Variants in TMCO5A observed in about 807,000 individuals in gnomAD.
The protein encoded by TMCO5A is transmembrane and coiled-coil domain-containing protein 5A.
TMCO5A carries 34 observed loss-of-function variants against 42.3 expected under a neutral mutation model. That is an observed-to-expected ratio of 0.80 (90% CI 0.61 to 1.07). The LOEUF (loss-of-function observed/expected upper bound fraction) is 1.07, where lower values mean the gene tolerates loss of function less well. TMCO5A is among the 50% of genes least tolerant of loss of function. TMCO5A has a pLI of 0.00. For missense variants in TMCO5A, 357 were observed against 327.9 expected, an observed-to-expected ratio of 1.09 and a Z score of -0.69; for synonymous variants, 131 against 115.6, an observed-to-expected ratio of 1.13 and a Z score of -0.86.
the TMCO5A span, among the ~76,000 whole-genome samples, chr15:38,027,551 G>A: frequency 1.3e-5 from 2 of 152,182 alleles, no homozygotes; most frequent in Non-Finnish European, 2.9e-5. Context: ...GGGCTTTTGG[G>A]TTAATGCTGG....
the TMCO5A span, among the ~76,000 whole-genome samples, chr15:38,019,996 A>G: frequency 6.6e-6 from 1 of 151,244 alleles, no homozygotes; most frequent in Non-Finnish European, 1.5e-5. Context: ...ATGTAATTAA[A>G]AAAATTTTTT....
the TMCO5A span, among the ~76,000 whole-genome samples, chr15:38,038,501 G>T: frequency 6.6e-6 from 1 of 151,882 alleles, no homozygotes; most frequent in Non-Finnish European, 1.5e-5. Flanking sequence ...TGCCTCCCGG[G>T]TTCATACCAT....
the TMCO5A span, among the ~76,000 whole-genome samples, chr15:37,998,102 C>T: frequency 1.4e-5 from 2 of 143,748 alleles, no homozygotes; most frequent in African/African-American, 4.9e-5. Context: ...ACCTATTAAT[C>T]GCTTGTCAGA....
the TMCO5A span, among the ~76,000 whole-genome samples, chr15:38,014,182 C>T: frequency 2.0e-5 from 3 of 152,146 alleles, no homozygotes; most frequent in African/African-American, 7.2e-5. Context: ...GTAATATATT[C>T]ATAGGTTCTG....
At chr15:37,977,100 CTTT>C in the TMCO5A span, among the ~76,000 whole-genome samples, 1 of 152,244 alleles carries the variant, frequency 6.6e-6, no homozygotes, top group South Asian at 2.1e-4. Flanking sequence ...GCCATTTTGC[CTTT>C]TATCTCCTCT....
At chr15:37,957,176 G>C (rs1025898657) in intron 11 of TMCO5A, among the ~76,000 whole-genome samples, 1 of 152,018 alleles carries the variant, frequency 6.6e-6, no homozygotes, top group African/African-American at 2.4e-5. Flanking sequence ...TTTGAATACC[G>C]GCACAAGACA....
intron 8 of TMCO5A, 108 bp downstream of exon 8, chr15:37,941,838 T>C: frequency 1.1e-6 from 1 of 928,058 alleles, no homozygotes; most frequent in Non-Finnish European, 1.7e-6. Flanking sequence ...CAGTTCAAGG[T>C]GGCACTACTA....
At chr15:37,943,962 A>G (rs1595592449) in intron 10 of TMCO5A, 1 of 152,486 alleles carries the variant, frequency 6.6e-6, no homozygotes, top group East Asian at 1.9e-4. Flanking sequence ...TTTCATACAG[A>G]GCACCAATCC....
the TMCO5A span, among the ~76,000 whole-genome samples, chr15:38,002,427 A>ATCTC: frequency 2.0e-5 from 3 of 150,898 alleles, no homozygotes; most frequent in Non-Finnish European, 4.4e-5. Flanking sequence ...CCACCCTGGT[A>ATCTC]TCTCTCTCTC....
the TMCO5A span, among the ~76,000 whole-genome samples, chr15:38,021,434 A>T: frequency 6.7e-6 from 1 of 150,064 alleles, no homozygotes; most frequent in Non-Finnish European, 1.5e-5. Context: ...TTCCCTGGGG[A>T]CTTAATATCA....
the TMCO5A span, among the ~76,000 whole-genome samples, chr15:38,013,353 TC>T: frequency 1 from 152,118 of 152,122 alleles, 76,057 homozygotes; most frequent in Non-Finnish European, 1. Flanking sequence ...AAGAAGTCCC[TC>T]CCCCCCTCTA....
chr15:38,034,515 G>A, the TMCO5A span, among the ~76,000 whole-genome samples: 3 of 152,086 alleles, frequency 2.0e-5, no homozygotes, highest in African/African-American at 4.8e-5. Flanking sequence ...ATATCGAAAC[G>A]ATGAATTTTA....
At chr15:37,994,433 G>C in the TMCO5A span, 1 of 152,188 alleles carries the variant, frequency 6.6e-6, no homozygotes, top group Non-Finnish European at 1.5e-5. Flanking sequence ...TTTTTACCTG[G>C]TGCCCCTACC....
chr15:38,029,258 T>A, the TMCO5A span, among the ~76,000 whole-genome samples: 1 of 152,000 alleles, frequency 6.6e-6, no homozygotes, highest in Non-Finnish European at 1.5e-5. Context: ...CATTTAGGGC[T>A]GCTATTAAGT....
chr15:37,942,469 A>G lies in TMCO5A; in HGVS notation c.569+214A>G, dbSNP rs528366723. 159 of 523,386 alleles carry G rather than the reference A, an allele frequency of 3.0e-4. No homozygotes were observed. The South Asian group carries it at 3.9e-3, about 13-fold the overall frequency. The allele number at this position is 523,386 out of a possible 1,614,324, so 32.4% of individuals were successfully genotyped here. ...CCATCCTTCTAAAAAGACCACAGAA[A>G]CACATCTCCCTTCGTAATGTTATCA... On this transcript the variant is annotated intron_variant, in intron 9 of 11. Transcript: ENST00000319669.
chr15:37,981,367 A>G, the TMCO5A span, among the ~76,000 whole-genome samples: 1 of 152,344 alleles, frequency 6.6e-6, no homozygotes, highest in East Asian at 1.9e-4. Flanking sequence ...TCGCCAGTGT[A>G]AACTTTTGAC....
chr15:38,013,855 G>A, the TMCO5A span, among the ~76,000 whole-genome samples: 1 of 152,162 alleles, frequency 6.6e-6, no homozygotes, highest in Non-Finnish European at 1.5e-5. Context: ...CTGGAGGTCA[G>A]AAATCAAAAA....
At chr15:37,994,932 CT>C in the TMCO5A span, among the ~76,000 whole-genome samples, 1 of 152,142 alleles carries the variant, frequency 6.6e-6, no homozygotes, top group Non-Finnish European at 1.5e-5. Context: ...TTGGTTTTGA[CT>C]CCCCCAGATT....
At chr15:38,017,997 C>G in the TMCO5A span, among the ~76,000 whole-genome samples, 3 of 152,132 alleles carry the variant, frequency 2.0e-5, no homozygotes, top group Non-Finnish European at 2.9e-5. Flanking sequence ...TCCCCTTTGC[C>G]TTTTGCCACA....
Sources: allele counts gnomAD v4.1 joint callset (sites outside exome capture counted in the v4.1 genomes callset), GRCh38; gene constraint gnomAD v4.1.1; transcripts MANE v1.5; gene names NCBI Gene and HGNC (gene_info 2026-07-23, HGNC 2026-07-21).